ALG13: variants seen among roughly 807,000 people sequenced by gnomAD.
ALG13 encodes ALG13 UDP-N-acetylglucosaminyltransferase subunit.
ALG13 carries 11 observed loss-of-function variants against 87.8 expected under a neutral mutation model. The ratio of observed to expected loss-of-function variants is 0.13; its 90% confidence interval spans 0.08 to 0.21. ALG13 has a LOEUF of 0.21. Ranked by LOEUF, ALG13 falls within the 10% of genes least tolerant of loss-of-function variation. ALG13 has a pLI of 1.00. For missense variants in ALG13, 756 were observed against 866.1 expected (o/e 0.87, Z 1.60); for synonymous variants, 320 against 306.3 (o/e 1.04, Z -0.47).
intron 3 of ALG13, among the ~76,000 whole-genome samples, chrX:111,707,448 T>C (rs950789051): frequency 2.7e-5 from 3 of 112,237 alleles, no homozygotes; most frequent in African/African-American, 6.5e-5. Flanking sequence ...GCAGAGATTA[T>C]TATCTAGAAT....
chrX:111,695,203 T>A (rs1936788651), intron 3 of ALG13, among the ~76,000 whole-genome samples: 1 of 111,692 alleles, frequency 9.0e-6, no homozygotes, highest in Non-Finnish European at 1.9e-5. Context: ...TCTAGACTGA[T>A]CAGACACTGC....
intron 5 of ALG13, among the ~76,000 whole-genome samples, chrX:111,709,348 A>G (rs1939326628): frequency 8.9e-6 from 1 of 112,506 alleles, no homozygotes; most frequent in African/African-American, 3.2e-5. Context: ...TATATTATCC[A>G]TACAGTTTTA....
chrX:111,732,192 C>T (rs776791635), intron 21 of ALG13, among the ~76,000 whole-genome samples: 2 of 111,810 alleles, frequency 1.8e-5, no homozygotes, highest in South Asian at 3.8e-4. Flanking sequence ...ACAATGCCAA[C>T]AGTTATCAAA....
In ALG13 at chrX:111,708,295, A is replaced by G. The variant is rs886042566; in HGVS notation, c.652A>G (p.Asn218Asp). The change falls in exon 4 of 27, where the codon AAT becomes GAT. Residue 218 changes from asparagine (N) to aspartate (D), a missense_variant. By Grantham distance (23) the Asn-to-Asp change is conservative. Coordinates refer to ENST00000394780, the MANE Select transcript of ALG13 (RefSeq NM_001099922.3). ...WKNYCSQKSL[N>D]EASMDEYLGS... ...AAACTACTGCAGCCAGAAGTCTTTG[A>G]ATGAGGCATCAATGGATGAATATTT... 4.1e-6 allele frequency: 5 copies of G among 1,210,232 alleles called. No homozygotes were observed. In the African/African-American group the frequency reaches 8.7e-5, roughly 21 times the overall value.
At chrX:111,707,037 T>G (rs1938892885) in intron 3 of ALG13, among the ~76,000 whole-genome samples, 1 of 111,070 alleles carries the variant, frequency 9.0e-6, no homozygotes, top group Admixed American at 9.6e-5. Context: ...AAGAAAGGAA[T>G]TGGATTTTTG....
intron 21 of ALG13, among the ~76,000 whole-genome samples, chrX:111,733,925 T>C (rs1942978665): frequency 8.9e-6 from 1 of 112,435 alleles, no homozygotes; most frequent in South Asian, 3.7e-4. Context: ...GCATTTTTTC[T>C]TATGTTTGTT....
At chrX:111,713,372 A>G (rs1031289848) in intron 8 of ALG13, 75 bp downstream of exon 8, 5 of 658,932 alleles carry the variant, frequency 7.6e-6, no homozygotes, top group Non-Finnish European at 9.5e-6. Flanking sequence ...ATATTAAATC[A>G]TTTTTAACCT....
chrX:111,724,005 T>G, intron 14 of ALG13, 107 bp downstream of exon 14: 1 of 492,213 alleles, frequency 2.0e-6, no homozygotes, highest in Non-Finnish European at 3.4e-6. Context: ...ACCAGAATTG[T>G]ATCTACTGTT....
intron 24 of ALG13, among the ~76,000 whole-genome samples, chrX:111,747,907 A>G (rs763202516): frequency 4.9e-4 from 55 of 112,694 alleles, no homozygotes; most frequent in African/African-American, 1.6e-3. Flanking sequence ...ACCATTTTGC[A>G]TTCCCACCAG....
At chrX:111,703,185 GTCATCATCA>G (rs747566924) in intron 3 of ALG13, among the ~76,000 whole-genome samples, 6 of 107,836 alleles carry the variant, frequency 5.6e-5, no homozygotes, top group East Asian at 2.9e-4. Context: ...TTTTTATATT[GTCATCATCA>G]TCATCATCAT....
chrX:111,717,784 C>G, intron 8 of ALG13, 62 bp from the exon 9 acceptor site: 1 of 809,915 alleles, frequency 1.2e-6, no homozygotes, highest in East Asian at 3.4e-5. Context: ...TAATTATCAT[C>G]TTAATTTCAT....
At chrX:111,681,686 C>A in intron 1 of ALG13, 1 of 851,158 alleles carries the variant, frequency 1.2e-6, no homozygotes, top group Non-Finnish European at 1.4e-6. Context: ...CTGTGGACCG[C>A]ACGTCGGCGC....
intron 2 of ALG13, among the ~76,000 whole-genome samples, chrX:111,683,730 T>C (rs1934191534): frequency 8.9e-6 from 1 of 111,744 alleles, no homozygotes; most frequent in Non-Finnish European, 1.9e-5. Flanking sequence ...TCATTTAAAA[T>C]AGTTAGATGA....
chrX:111,686,132 ATTAG>A (rs1934869514), intron 3 of ALG13: 15 of 1,118,003 alleles, frequency 1.3e-5, no homozygotes, highest in Non-Finnish European at 1.8e-5. Context: ...TTTGTTTTCT[ATTAG>A]TTCTTCCTTG....
chrX:111,700,594 T>G (rs1380239789), intron 3 of ALG13, among the ~76,000 whole-genome samples: 1 of 107,519 alleles, frequency 9.3e-6, no homozygotes, highest in Non-Finnish European at 1.9e-5. Context: ...TGTTTTTTTT[T>G]GAGATGGAGT....
intron 4 of ALG13, 114 bp downstream of exon 4, chrX:111,708,507 C>T (rs1376090395): frequency 8.3e-5 from 78 of 941,153 alleles, no homozygotes; most frequent in Non-Finnish European, 1.1e-4. Context: ...GTGAAAACAT[C>T]GGGCCTGTCA....
At chrX:111,696,384 T>C (rs1017979048) in intron 3 of ALG13, among the ~76,000 whole-genome samples, 1 of 111,830 alleles carries the variant, frequency 8.9e-6, no homozygotes, top group African/African-American at 3.3e-5. Flanking sequence ...CATCTACTTA[T>C]TTTACAGATG....
At chrX:111,736,412 G>T (rs1386857901) in intron 22 of ALG13, among the ~76,000 whole-genome samples, 1 of 111,548 alleles carries the variant, frequency 9.0e-6, no homozygotes, top group African/African-American at 3.3e-5. Flanking sequence ...TGGGGAGCGG[G>T]CAACTAGGCA....
At chrX:111,708,465 C>T (rs930494868) in intron 4 of ALG13, 72 bp downstream of exon 4, 62 of 1,104,135 alleles carry the variant, frequency 5.6e-5, no homozygotes, top group Non-Finnish European at 7.2e-5. Flanking sequence ...TGTAGTTTGC[C>T]AGAAGAAACA....
Sources: allele counts gnomAD v4.1 joint callset (sites outside exome capture counted in the v4.1 genomes callset), GRCh38; gene constraint gnomAD v4.1.1; transcripts MANE v1.5; gene names NCBI Gene and HGNC (gene_info 2026-07-23, HGNC 2026-07-21).